PDXDC1: variants seen among roughly 807,000 people sequenced by gnomAD.
PDXDC1 encodes the protein pyridoxal-dependent decarboxylase domain-containing protein 1.
In PDXDC1, 42 loss-of-function variants were observed where a neutral mutation model predicts 100.1. The ratio of observed to expected loss-of-function variants is 0.42; its 90% confidence interval spans 0.33 to 0.54. PDXDC1 has a LOEUF of 0.54. Ranked by LOEUF, PDXDC1 falls within the 20% of genes least tolerant of loss-of-function variation. The pLI, the probability that PDXDC1 is intolerant of heterozygous loss-of-function variation, is 0.10. For missense variants in PDXDC1, 636 were observed against 979.2 expected, an observed-to-expected ratio of 0.65 and a Z score of 4.68; for synonymous variants, 260 against 371.7, an observed-to-expected ratio of 0.70 and a Z score of 3.46.
intron 1 of PDXDC1, among the ~76,000 whole-genome samples, chr16:14,980,301 AT>A (rs1300808564): frequency 2.4e-4 from 36 of 150,060 alleles, no homozygotes; most frequent in East Asian, 5.9e-4. Flanking sequence ...TTGATTTATA[AT>A]TTTTTTTTTT....
At chr16:15,053,472 CA>C (rs111527709) in intron 16 of PDXDC1, among the ~76,000 whole-genome samples, 45,586 of 151,802 alleles carry the variant, frequency 0.3, 7,275 homozygotes, top group Admixed American at 0.45. Flanking sequence ...AGTAAGCTAT[CA>C]TTTTTTTAAA....
At chr16:15,150,000 C>G in the PDXDC1 span, among the ~76,000 whole-genome samples, 1 of 152,020 alleles carries the variant, frequency 6.6e-6, no homozygotes, top group Non-Finnish European at 1.5e-5. Context: ...GAGCCAGTTT[C>G]TTCAACAAAT....
intron 16 of PDXDC1, among the ~76,000 whole-genome samples, chr16:15,067,836 C>T (rs1191067133): frequency 6.6e-6 from 1 of 152,130 alleles, no homozygotes; most frequent in Non-Finnish European, 1.5e-5. Flanking sequence ...GGGCTCACTG[C>T]ATCCTTGACT....
At chr16:15,140,697 G>A (rs1187590653), downstream of PDXDC1, among the ~76,000 whole-genome samples, 2 of 152,062 alleles carry the variant, frequency 1.3e-5, no homozygotes, top group African/African-American at 4.8e-5. Flanking sequence ...TGATGTGGAG[G>A]TGAGAAGCCA....
At chr16:15,010,417 A>G (rs1484450010) in intron 8 of PDXDC1, 1 of 154,746 alleles carries the variant, frequency 6.5e-6, no homozygotes, top group Non-Finnish European at 1.5e-5. Context: ...CTCAGGAGAC[A>G]AGCAAGATGT....
chr16:15,037,982 C>CAATGGTCTGTCAGGCCAAGAAGGTGCTTT lies in PDXDC1; in HGVS notation c.*1708_*1736dup, dbSNP rs746690423. On this transcript the variant is annotated 3_prime_UTR_variant, in exon 23 of 23. Coordinates refer to ENST00000396410, the MANE Select transcript of PDXDC1 (RefSeq NM_015027.4). ...AGATCTGGATTCGTGCCAGCCCCACCAATGGTCTGTCAGGCCAAGAAGGTG... is the reference window on the plus strand; with the variant it reads ...AGATCTGGATTCGTGCCAGCCCCACCAATGGTCTGTCAGGCCAAGAAGGTGCTTTAATGGTCTGTCAGGCCAAGAAGGTG... 6.9e-7 allele frequency: 1 copy of CAATGGTCTGTCAGGCCAAGAAGGTGCTTT among 1,441,472 alleles called. No individual in the cohort carries two copies. The highest frequency in any genetic ancestry group is 1.2e-5 in the South Asian group (1 of 83,032). The allele number at this position is 1,441,472 out of a possible 1,614,324, so 89.3% of individuals were successfully genotyped here. A position where few individuals can be genotyped will look rare whatever the true frequency, so the allele number is the denominator to read the frequency against.
At chr16:15,095,741 T>C (rs1208122377) in intron 16 of PDXDC1, among the ~76,000 whole-genome samples, 2 of 151,812 alleles carry the variant, frequency 1.3e-5, no homozygotes, top group Non-Finnish European at 2.9e-5. Flanking sequence ...TCCCAGCTAC[T>C]TGGGAGGCCG....
At chr16:15,109,512 C>A (rs1490323968) in intron 16 of PDXDC1, among the ~76,000 whole-genome samples, 1 of 148,330 alleles carries the variant, frequency 6.7e-6, no homozygotes, top group East Asian at 1.9e-4. Flanking sequence ...CAAAAATTAT[C>A]TGGGCATGGT....
intron 8 of PDXDC1, among the ~76,000 whole-genome samples, chr16:15,014,136 GGCTGAGATTGCAGTGA>G (rs1459146173): frequency 2.0e-4 from 30 of 152,110 alleles, no homozygotes; most frequent in Non-Finnish European, 5.9e-5. Flanking sequence ...GAACCCAGGA[GGCTGAGATTGCAGTGA>G]GCCGAGATTG....
intron 16 of PDXDC1, among the ~76,000 whole-genome samples, chr16:15,081,186 C>G (rs185885841): frequency 1.3e-5 from 2 of 152,298 alleles, no homozygotes; most frequent in South Asian, 2.1e-4. Flanking sequence ...CATCCATGTA[C>G]AAGTTTTTCT....
rs931810017 is a variant in PDXDC1, at chr16:15,133,864, C to T, written c.1400-5015C>T. 1.7e-5 allele frequency: 27 copies of T among 1,559,684 alleles called. No homozygotes were observed. In the African/African-American group the frequency reaches 3.4e-4, roughly 19 times the overall value. On this transcript the variant is annotated intron_variant, in intron 16 of 16. Transcript: ENST00000535621. ...CCCAGTGGGAAGAGGCGGCAAGAGC[C>T]CCCCAGCGGCGGGCGGTTGGGGGAC... is the stretch of plus-strand genomic sequence containing the variant.
At chr16:15,077,535 G>A (rs1324328394) in intron 16 of PDXDC1, among the ~76,000 whole-genome samples, 1 of 152,088 alleles carries the variant, frequency 6.6e-6, no homozygotes, top group Non-Finnish European at 1.5e-5. Flanking sequence ...ATGTGGAACT[G>A]TAAGTCCAAT....
chr16:15,128,078 T>G, intron 16 of PDXDC1: 1 of 1,605,720 alleles, frequency 6.2e-7, no homozygotes, highest in Non-Finnish European at 8.5e-7. Context: ...GAAGGTGCTG[T>G]GTGCCGTCTG....
At chr16:15,077,388 G>A (rs868333406) in intron 16 of PDXDC1, among the ~76,000 whole-genome samples, 12 of 152,046 alleles carry the variant, frequency 7.9e-5, no homozygotes, top group South Asian at 4.1e-4. Context: ...TACTGTTCTC[G>A]TGATAGTGAA....
At chr16:15,003,448 C>T (rs1021369906) in intron 4 of PDXDC1, among the ~76,000 whole-genome samples, 2 of 152,286 alleles carry the variant, frequency 1.3e-5, no homozygotes, top group South Asian at 2.1e-4. Context: ...AATCTCCTGA[C>T]CTCGTGATCC....
At chr16:15,008,434 GA>G (rs1360500190) in intron 6 of PDXDC1, among the ~76,000 whole-genome samples, 1 of 152,282 alleles carries the variant, frequency 6.6e-6, no homozygotes, top group Non-Finnish European at 1.5e-5. Context: ...AATGCTTGGA[GA>G]AAGAATCCAA....
At chr16:15,030,596 G>A (rs1451702701) in intron 16 of PDXDC1, among the ~76,000 whole-genome samples, 2 of 129,328 alleles carry the variant, frequency 1.5e-5, no homozygotes, top group Non-Finnish European at 3.2e-5. Context: ...CTTTTTTGTT[G>A]TTGTTGAGAC....
rs548474495 is a variant in PDXDC1, at chr16:15,131,505, C to G, written c.1400-7374C>G. On this transcript the variant is annotated intron_variant, in intron 16 of 16. Transcript: ENST00000535621. ...CATAGCACAGCAGGCTCCGCGGGTC[C>G]GAGCGCTTGCCCTGGGCCACGATCT... 1.5e-3 allele frequency: 2,364 copies of G among 1,607,982 alleles called. 46 individuals carry two copies. In the African/African-American group the frequency reaches 0.028, roughly 19 times the overall value.
intron 16 of PDXDC1, chr16:15,125,393 C>T (rs959907557): frequency 5.3e-6 from 4 of 751,402 alleles, no homozygotes; most frequent in Non-Finnish European, 9.2e-6. Context: ...CCCGTCCAGT[C>T]ACGCACGGAC....
Sources: gnomAD v4.1 joint callset for allele counts (sites outside exome capture counted in the v4.1 genomes callset) on GRCh38, gnomAD v4.1.1 for gene constraint, MANE v1.5 for transcripts, NCBI Gene and HGNC (gene_info 2026-07-23, HGNC 2026-07-21) for gene names.